PLXNA4: variants seen among roughly 807,000 people sequenced by gnomAD.
The protein encoded by PLXNA4 is plexin A4, also known as plexin-A4.
A neutral mutation model predicts 191.8 loss-of-function variants in PLXNA4; 44 were observed. The observed-to-expected ratio is 0.23, with a 90% CI of 0.18 to 0.29. The LOEUF is 0.29. Ranked by LOEUF, PLXNA4 falls within the 10% of genes least tolerant of loss-of-function variation. The pLI, the probability that PLXNA4 is intolerant of heterozygous loss-of-function variation, is 1.00. For synonymous variants in PLXNA4, 1,082 were observed against 1,009.5 expected, an observed-to-expected ratio of 1.07 and a Z score of -1.36; for missense variants, 1,800 against 2,488.8, an observed-to-expected ratio of 0.72 and a Z score of 5.89.
At chr7:132,289,549 T>TA (rs1800808578) in intron 4 of PLXNA4, among the ~76,000 whole-genome samples, 1 of 152,150 alleles carries the variant, frequency 6.6e-6, no homozygotes, top group South Asian at 2.1e-4. Flanking sequence ...ATTTTTTTTT[T>TA]AGAGAAGTCA....
chr7:132,463,602 A>G (rs1796596111), intron 3 of PLXNA4, among the ~76,000 whole-genome samples: 1 of 152,180 alleles, frequency 6.6e-6, no homozygotes, highest in Non-Finnish European at 1.5e-5. Context: ...CCTAATAATA[A>G]TGTGTCCCCT....
chr7:132,480,255 T>G lies in PLXNA4; in HGVS notation c.1371+9037A>C, dbSNP rs111307275. ...GAAAGTGAGGAAAGTAGGCAAAGGA[T>G]TGTGAGAAGAGCCGAGAAGCTCAGG... On this transcript the variant is annotated intron_variant, in intron 3 of 31. Coordinates refer to ENST00000321063, the MANE Select transcript of PLXNA4 (RefSeq NM_020911.2). Among the ~76,000 whole-genome samples the G allele has an allele frequency of 1.8e-3, 269 of 152,016 alleles. 5 individuals are homozygous for G. The highest frequency in any genetic ancestry group is 6.0e-3 in the African/African-American group (248 of 41,460).
chr7:132,372,323 C>T (rs1804474338), intron 3 of PLXNA4, among the ~76,000 whole-genome samples: 1 of 152,192 alleles, frequency 6.6e-6, no homozygotes, highest in Admixed American at 6.5e-5. Context: ...TTACATTTTC[C>T]CAGAATAAAC....
At chr7:132,383,404 AAAGAAAATT>A (rs1427982399) in intron 3 of PLXNA4, 1 of 333,324 alleles carries the variant, frequency 3.0e-6, no homozygotes, top group Admixed American at 6.5e-5. Flanking sequence ...AATGCTCATT[AAAGAAAATT>A]AAGAAAAAAT....
intron 3 of PLXNA4, among the ~76,000 whole-genome samples, chr7:132,407,807 A>G (rs1794285500): frequency 6.6e-6 from 1 of 152,260 alleles, no homozygotes; most frequent in South Asian, 2.1e-4. Context: ...ATGCCACAGA[A>G]CATGAACTTA....
At position 132,522,876 on chromosome 7, in the gene PLXNA4, T is replaced by G. The variant is rs116491852; in HGVS notation, c.-86-14097A>C. ...ATTTGTCTAGAAGGCCCATGATAAA[T>G]GCACAGATGTTAACTGGGAAGAGAG... On this transcript the variant is annotated intron_variant, in intron 1 of 31. Transcript: ENST00000321063. Among the ~76,000 whole-genome samples, 1,009 of 152,202 alleles carry G rather than the reference T, an allele frequency of 6.6e-3. 13 individuals carry two copies. The highest frequency in any genetic ancestry group is 0.023 in the African/African-American group (961 of 41,526).
intron 4 of PLXNA4, among the ~76,000 whole-genome samples, chr7:132,284,600 A>C (rs1053911021): frequency 1.1e-4 from 17 of 152,152 alleles, no homozygotes; most frequent in African/African-American, 4.1e-4. Flanking sequence ...AGAACACCCA[A>C]GGGGCCTTGG....
intron 3 of PLXNA4, among the ~76,000 whole-genome samples, chr7:132,484,320 C>T (rs965446771): frequency 1.6e-4 from 25 of 152,190 alleles, no homozygotes; most frequent in East Asian, 7.7e-4. Context: ...CGACAGAATG[C>T]CGTCTGTCTG....
At chr7:132,534,446 C>A (rs890020557) in intron 1 of PLXNA4, among the ~76,000 whole-genome samples, 1 of 152,180 alleles carries the variant, frequency 6.6e-6, no homozygotes, top group African/African-American at 2.4e-5. Flanking sequence ...CCCTCCCTAC[C>A]CTGGCGTCCA....
At chr7:132,402,678 G>T (rs997776693) in intron 3 of PLXNA4, among the ~76,000 whole-genome samples, 3 of 152,200 alleles carry the variant, frequency 2.0e-5, no homozygotes, top group African/African-American at 7.2e-5. Context: ...GCAGAGCAAA[G>T]GACAGGCTGC....
Position 132,140,824 on chromosome 7 carries a change from A to C in PLXNA4, c.5226-13T>G. ...CCTCAGGGGCAGGCTGCGTGGAAGG[A>C]AGAGGCAGATGGTCAGGAAAGACGG... On this transcript the variant is annotated splice_polypyrimidine_tract_variant and intron_variant, in intron 29 of 31. Coordinates refer to ENST00000321063, the MANE Select transcript of PLXNA4 (RefSeq NM_020911.2). The C allele has an allele frequency of 6.2e-7, 1 of 1,613,642 alleles. No individual in the cohort carries two copies. The highest frequency in any genetic ancestry group is 8.5e-7 in the Non-Finnish European group (1 of 1,179,792).
intron 3 of PLXNA4, among the ~76,000 whole-genome samples, chr7:132,398,447 A>C (rs1047813378): frequency 6.6e-6 from 1 of 152,172 alleles, no homozygotes; most frequent in Non-Finnish European, 1.5e-5. Context: ...CCAAGCCAGG[A>C]GGGCCCTGGG....
intron 1 of PLXNA4, among the ~76,000 whole-genome samples, chr7:132,555,078 C>T (rs971043770): frequency 1.5e-5 from 1 of 64,746 alleles, no homozygotes; most frequent in East Asian, 4.4e-4. Context: ...CAGTAACCAT[C>T]ACCATGGCCT....
At chr7:132,319,156 G>C (rs931050903) in intron 3 of PLXNA4, among the ~76,000 whole-genome samples, 1 of 152,132 alleles carries the variant, frequency 6.6e-6, no homozygotes, top group Non-Finnish European at 1.5e-5. Context: ...AATCTAGAAA[G>C]GGGGAAACCT....
In PLXNA4 at chr7:132,145,270, C is replaced by G; in HGVS notation, c.5074G>C (p.Val1692Leu). 1 of 1,614,194 alleles carries G rather than the reference C, an allele frequency of 6.2e-7. No homozygotes were observed. Among genetic ancestry groups the G allele is most frequent in the African/African-American group, 1.3e-5 (1 of 75,064 alleles). The change falls in exon 29 of 32, where the codon GTG becomes CTG. Residue 1692 changes from valine to leucine, a missense_variant. Transcript: ENST00000321063. ...AAGATGGTCTCAAAGAGGTCATCCA[C>G]AAACTTCTGCAGTGTGCCCTGGAGA... ...LATKGTLQKF[V>L]DDLFETIFST...
intron 3 of PLXNA4, among the ~76,000 whole-genome samples, chr7:132,380,806 G>A (rs1158316105): frequency 1.3e-5 from 2 of 152,260 alleles, no homozygotes; most frequent in Admixed American, 1.3e-4. Context: ...ACCTGCCTCA[G>A]TAACTCTGGG....
chr7:132,490,154 T>A (rs1020442648), intron 2 of PLXNA4, among the ~76,000 whole-genome samples: 1 of 152,158 alleles, frequency 6.6e-6, no homozygotes, highest in Non-Finnish European at 1.5e-5. Flanking sequence ...GCTCCCTGTG[T>A]CTTTTAGAGC....
intron 3 of PLXNA4, among the ~76,000 whole-genome samples, chr7:132,319,299 G>A (rs760169965): frequency 2.0e-5 from 3 of 152,162 alleles, no homozygotes; most frequent in Non-Finnish European, 4.4e-5. Flanking sequence ...TGGAGCCCAG[G>A]AACGTGCATT....
chr7:132,442,210 G>A lies in PLXNA4; in HGVS notation c.1371+47082C>T, dbSNP rs375755055. On this transcript the variant is annotated intron_variant, in intron 3 of 31. Coordinates refer to ENST00000321063, the MANE Select transcript of PLXNA4 (RefSeq NM_020911.2). ...GAATGAGTTGTCAGTCAGGGACAAA[G>A]AGTGGGAGATTAAGGGAACATGCTA... 4.5e-4 allele frequency among the ~76,000 whole-genome samples: 68 copies of A among 152,338 alleles called. 2 individuals carry two copies. Among genetic ancestry groups the A allele is most frequent in the African/African-American group, 1.6e-3 (65 of 41,590 alleles).
Sources: allele counts gnomAD v4.1 joint callset (sites outside exome capture counted in the v4.1 genomes callset), GRCh38; gene constraint gnomAD v4.1.1; transcripts MANE v1.5; gene names NCBI Gene and HGNC (gene_info 2026-07-23, HGNC 2026-07-21).